The following ZHX2 variants were observed in gnomAD, a reference collection of about 807,000 sequenced individuals.
The protein encoded by ZHX2 is zinc fingers and homeoboxes 2.
In ZHX2, 6 loss-of-function variants were observed where a neutral mutation model predicts 21.9. The ratio of observed to expected loss-of-function variants is 0.27; its 90% CI spans 0.15 to 0.54. The LOEUF (loss-of-function observed/expected upper bound fraction) is 0.54, where lower values mean the gene tolerates loss of function less well. Among genes scored for constraint, ZHX2 ranks in the 20% least tolerant of loss-of-function variants. The pLI is 0.95. For synonymous variants in ZHX2, 434 were observed against 437.1 expected (o/e 0.99, Z 0.09); for missense variants, 908 against 1,090.7 (o/e 0.83, Z 2.36).
chr8:122,951,994 G>A lies in ZHX2; in HGVS notation c.484G>A (p.Val162Ile), dbSNP rs573067676. The change falls in exon 3 of 4, where the codon GTC becomes ATC. Residue 162 changes from valine to isoleucine, a missense_variant. By Grantham distance (29) the Val-to-Ile change is conservative. Coordinates refer to ENST00000314393, the MANE Select transcript of ZHX2 (RefSeq NM_014943.5). Reference sequence around the variant, plus strand: ...ACAGTCCATCGAAACCACCAACCATGTCGTGTCCATCACCACCAGTGGCCC... The same window carrying A: ...ACAGTCCATCGAAACCACCAACCATATCGTGTCCATCACCACCAGTGGCCC... ...LEQSIETTNH[V>I]VSITTSGPGT... is the part of the protein sequence containing the mutation. 6.2e-7 allele frequency: 1 copy of A among 1,613,558 alleles called. No individual in the cohort carries two copies. Among genetic ancestry groups the A allele is most frequent in the African/African-American group, 1.3e-5 (1 of 74,858 alleles).
chr8:122,889,994 A>T (rs10956103), intron 2 of ZHX2, among the ~76,000 whole-genome samples: 110,597 of 152,022 alleles, frequency 0.73, 41,002 homozygotes, highest in African/African-American at 0.87. Flanking sequence ...TTTGCTTTTG[A>T]TGTCTGTGCT....
At position 122,953,021 on chromosome 8, in the gene ZHX2, A is replaced by C. The variant is rs199705429; in HGVS notation, c.1511A>C (p.Glu504Ala). 3.2e-5 allele frequency: 52 copies of C among 1,613,958 alleles called. 1 individual carries two copies. The East Asian group carries it at 1.1e-3, about 35-fold the overall frequency. The change falls in exon 3 of 4, where the codon GAA (glutamate) becomes GCA (alanine). Residue 504 changes from glutamate (E) to alanine (A), a missense_variant. Glu to Ala is a moderately radical substitution (Grantham distance 107, BLOSUM62 -1). Around this residue, in one of 4 missense-constraint regions of ZHX2, gnomAD observed 232 missense variants for 361.8 expected, o/e 0.64. Transcript: ENST00000314393. This position sits in a 1 kb window ranked among gnomAD's most constrained non-coding sequence, Gnocchi z 4.6. ...AGGGGCATCGTCCACATCACCAGCG[A>C]ATCCCTTGCCAAAGACCAGTTGGCC... ...CQRGIVHITS[E>A]SLAKDQLAIA...
chr8:122,922,375 A>G (rs1820761822), intron 2 of ZHX2, among the ~76,000 whole-genome samples: 1 of 152,228 alleles, frequency 6.6e-6, no homozygotes, highest in Non-Finnish European at 1.5e-5. Context: ...ACCACTAAAT[A>G]TATCCACTTA....
chr8:122,867,747 C>A (rs571004399), intron 2 of ZHX2, among the ~76,000 whole-genome samples: 1 of 152,142 alleles, frequency 6.6e-6, no homozygotes, highest in Non-Finnish European at 1.5e-5. Flanking sequence ...GTGGAAGAGA[C>A]GTAGCGTGCA....
chr8:122,913,921 G>A (rs1259287364), intron 2 of ZHX2, among the ~76,000 whole-genome samples: 2 of 152,146 alleles, frequency 1.3e-5, no homozygotes, highest in Non-Finnish European at 1.5e-5. Context: ...CTATAACAAT[G>A]GCCTTCATGA....
intron 2 of ZHX2, among the ~76,000 whole-genome samples, chr8:122,942,981 G>A (rs1473314616): frequency 1.3e-5 from 2 of 152,220 alleles, no homozygotes; most frequent in African/African-American, 4.8e-5. Context: ...CACAGTCATG[G>A]CCAGGCACGG....
chr8:122,843,125 C>CAG (rs1818676767), intron 1 of ZHX2, among the ~76,000 whole-genome samples: 1 of 152,212 alleles, frequency 6.6e-6, no homozygotes, highest in Non-Finnish European at 1.5e-5. Flanking sequence ...ACTTTTTAAA[C>CAG]AGAGACCCTC....
intron 1 of ZHX2, among the ~76,000 whole-genome samples, chr8:122,836,932 A>C (rs1818517066): frequency 2.0e-5 from 3 of 152,190 alleles, no homozygotes; most frequent in Non-Finnish European, 4.4e-5. Flanking sequence ...GGAGGTCCGC[A>C]CAAGATACAG....
At chr8:122,838,468 C>T (rs1027606841) in intron 1 of ZHX2, among the ~76,000 whole-genome samples, 2 of 151,100 alleles carry the variant, frequency 1.3e-5, no homozygotes, top group African/African-American at 4.9e-5. Flanking sequence ...CAAGGTTCAA[C>T]AAGAGGTGAA....
At chr8:122,848,645 G>A (rs753578706) in intron 1 of ZHX2, among the ~76,000 whole-genome samples, 6 of 152,170 alleles carry the variant, frequency 3.9e-5, no homozygotes, top group Non-Finnish European at 7.3e-5. Flanking sequence ...CAGGGGGTCA[G>A]GGAGGATGTT....
At chr8:122,959,675 G>C (rs1427695067) in intron 3 of ZHX2, among the ~76,000 whole-genome samples, 2 of 152,170 alleles carry the variant, frequency 1.3e-5, no homozygotes, top group African/African-American at 4.8e-5. Context: ...GCAGCGAGAG[G>C]AGAGGGATTG....
chr8:122,868,573 C>T (rs1219602884), intron 2 of ZHX2, among the ~76,000 whole-genome samples: 1 of 152,116 alleles, frequency 6.6e-6, no homozygotes, highest in African/African-American at 2.4e-5. Context: ...TGGTGGCAGG[C>T]ACCTGTAGTC....
intron 3 of ZHX2, among the ~76,000 whole-genome samples, chr8:122,971,858 C>T (rs924503923): frequency 3.9e-5 from 6 of 152,128 alleles, no homozygotes; most frequent in African/African-American, 1.4e-4. Context: ...CCTCTACCTA[C>T]CACAAAGTAT....
intron 1 of ZHX2, among the ~76,000 whole-genome samples, chr8:122,789,926 C>T (rs113352524): frequency 7.9e-5 from 12 of 152,288 alleles, no homozygotes; most frequent in African/African-American, 1.7e-4. Flanking sequence ...GAAGACTTCA[C>T]GTTGTTTCCA....
In ZHX2 at chr8:122,868,475, C is replaced by G. The variant is rs1819350749; in HGVS notation, c.-220+4936C>G. On this transcript the variant is annotated intron_variant, in intron 2 of 3. Coordinates refer to ENST00000314393, the MANE Select transcript of ZHX2 (RefSeq NM_014943.5). ...CCAGCCTGGGCAGCATAGGGAGACC[C>G]TGTCTCTACAAAATATGCTTTAAAA... Among the ~76,000 whole-genome samples the G allele has an allele frequency of 4.6e-5, 7 of 151,824 alleles. No individual in the cohort carries two copies. In the South Asian group the frequency reaches 1.2e-3, roughly 27 times the overall value.
rs562999023 is a variant in ZHX2 at position 122,832,161 on chromosome 8, G to C, written c.-282-31316G>C. Reference sequence around the variant, plus strand: ...CAGCTTCAGGTAAGAGCGTGGCCGGGTTTAGATGGGAGATGGTTAGACGGT... The same window carrying C: ...CAGCTTCAGGTAAGAGCGTGGCCGGCTTTAGATGGGAGATGGTTAGACGGT... On this transcript the variant is annotated intron_variant, in intron 1 of 3. Coordinates refer to ENST00000314393, the MANE Select transcript of ZHX2 (RefSeq NM_014943.5). Among the ~76,000 whole-genome samples, 70 of 152,334 alleles carry C rather than the reference G, an allele frequency of 4.6e-4. 2 individuals are homozygous for C. In the South Asian group the frequency reaches 0.014, roughly 32 times the overall value.
chr8:122,953,924 C>G lies in ZHX2; in HGVS notation c.2414C>G (p.Ser805Ter). ...ACGGTCGGGGAGGAGGATGCGATCT[C>G]AGATAGATCAGATAGCTGGAGTCAG... Reference protein sequence around the residue: ...EVTVGEEDAISDRSDSWSQAA... With the variant: ...EVTVGEEDAI Residue 805 changes from serine (S) to a stop codon, truncating the protein, a stop_gained, in exon 3 of 4, where the codon TCA (serine) becomes TGA (stop). Coordinates refer to ENST00000314393, the MANE Select transcript of ZHX2 (RefSeq NM_014943.5). LOFTEE classifies it low-confidence loss of function (END_TRUNC). This position sits in a 1 kb window ranked among gnomAD's most constrained non-coding sequence, Gnocchi z 4.6. 6.2e-7 allele frequency: 1 copy of G among 1,614,114 alleles called. No individual in the cohort carries two copies. The highest frequency in any genetic ancestry group is 8.5e-7 in the Non-Finnish European group (1 of 1,180,016).
chr8:122,886,199 G>A (rs886438033), intron 2 of ZHX2, among the ~76,000 whole-genome samples: 8 of 152,180 alleles, frequency 5.3e-5, no homozygotes, highest in African/African-American at 1.9e-4. Context: ...AACCTTCAAT[G>A]CATATTGCTA....
chr8:122,833,986 G>T (rs1416836508), intron 1 of ZHX2, among the ~76,000 whole-genome samples: 2 of 134,656 alleles, frequency 1.5e-5, no homozygotes, highest in African/African-American at 5.1e-5. Flanking sequence ...GACAGAGCAA[G>T]ACTCCGTCTC....
Sources: gnomAD v4.1 joint callset for allele counts (sites outside exome capture counted in the v4.1 genomes callset) on GRCh38, gnomAD v4.1.1 for gene constraint, gnomAD v4.1.1 regional missense constraint, Gnocchi (gnomAD v3.1) non-coding constraint, MANE v1.5 for transcripts, NCBI Gene and HGNC (gene_info 2026-07-23, HGNC 2026-07-21) for gene names.